ERC2: variants seen among roughly 807,000 people sequenced by gnomAD.
ERC2 encodes ELKS/RAB6-interacting/CAST family member 2.
In ERC2, 42 loss-of-function variants were observed where a neutral mutation model predicts 114.8. That is an observed-to-expected ratio of 0.37 (90% CI 0.29 to 0.47). ERC2 has a LOEUF of 0.47. ERC2 is among the 20% of genes least tolerant of loss of function. The pLI, the probability that ERC2 is intolerant of heterozygous loss-of-function variation, is 0.99. For missense variants in ERC2, 939 were observed against 1,150.7 expected (o/e 0.82, Z 2.66); for synonymous variants, 454 against 425.5 (o/e 1.07, Z -0.82).
At chr3:55,592,131 C>T (rs1431879086) in intron 17 of ERC2, among the ~76,000 whole-genome samples, 1 of 152,168 alleles carries the variant, frequency 6.6e-6, no homozygotes, top group Non-Finnish European at 1.5e-5. Flanking sequence ...TTCCTTGAGC[C>T]TCTGGTTGCT....
intron 17 of ERC2, among the ~76,000 whole-genome samples, chr3:55,583,394 CCTTCTT>C (rs1559692230): frequency 4.6e-4 from 60 of 130,856 alleles, no homozygotes; most frequent in African/African-American, 1.6e-3. Context: ...TTCTTTCCTT[CCTTCTT>C]TCCTTCCTTC....
chr3:56,353,884 A>G (rs1482828717), intron 2 of ERC2, among the ~76,000 whole-genome samples: 1 of 151,878 alleles, frequency 6.6e-6, no homozygotes, highest in Non-Finnish European at 1.5e-5. Flanking sequence ...ACTATACTGG[A>G]AACCAAATAT....
chr3:55,994,989 T>C (rs2071394629), intron 10 of ERC2, among the ~76,000 whole-genome samples: 1 of 152,206 alleles, frequency 6.6e-6, no homozygotes, highest in Non-Finnish European at 1.5e-5. Context: ...ACTGGCCTGG[T>C]ATCTATTATT....
chr3:56,421,672 T>A (rs1449728123), intron 2 of ERC2, among the ~76,000 whole-genome samples: 1 of 152,160 alleles, frequency 6.6e-6, no homozygotes, highest in Non-Finnish European at 1.5e-5. Flanking sequence ...TATGTGTGTA[T>A]AGGAGAGACA....
At chr3:55,703,555 G>C (rs2063337084) in intron 15 of ERC2, among the ~76,000 whole-genome samples, 1 of 152,138 alleles carries the variant, frequency 6.6e-6, no homozygotes, top group Admixed American at 6.5e-5. Flanking sequence ...AGGTTCACTT[G>C]GCTTTCTCCA....
At chr3:55,645,220 A>G (rs567857328) in intron 17 of ERC2, among the ~76,000 whole-genome samples, 3 of 152,358 alleles carry the variant, frequency 2.0e-5, no homozygotes, top group African/African-American at 7.2e-5. Flanking sequence ...TTTATAAAGA[A>G]CAAAGAATAA....
intron 14 of ERC2, among the ~76,000 whole-genome samples, chr3:55,821,250 C>T (rs1421223360): frequency 6.6e-6 from 1 of 152,112 alleles, no homozygotes; most frequent in Non-Finnish European, 1.5e-5. Flanking sequence ...AATAGGACTG[C>T]CAAAAGTTAT....
At chr3:55,965,180 C>A (rs577515764) in intron 12 of ERC2, among the ~76,000 whole-genome samples, 2 of 152,050 alleles carry the variant, frequency 1.3e-5, no homozygotes, top group African/African-American at 2.4e-5. Context: ...GTGTGAAAAC[C>A]AGGGGGTGGA....
intron 12 of ERC2, among the ~76,000 whole-genome samples, chr3:55,962,494 A>T (rs1159159551): frequency 6.6e-6 from 1 of 152,228 alleles, no homozygotes; most frequent in Admixed American, 6.5e-5. Context: ...AACAAGTAGC[A>T]GGGTCAGATT....
chr3:55,804,352 G>A (rs2059414418), intron 14 of ERC2, among the ~76,000 whole-genome samples: 1 of 152,092 alleles, frequency 6.6e-6, no homozygotes, highest in Admixed American at 6.6e-5. Flanking sequence ...GGTCCTCCTG[G>A]TGGTCTGCTT....
chr3:55,789,193 T>C (rs2069773796), intron 14 of ERC2, among the ~76,000 whole-genome samples: 3 of 152,224 alleles, frequency 2.0e-5, no homozygotes. Context: ...TTTTATCCTA[T>C]AATGCATGAT....
At chr3:55,646,825 G>C (rs538022979) in intron 17 of ERC2, among the ~76,000 whole-genome samples, 133 of 152,270 alleles carry the variant, frequency 8.7e-4, no homozygotes, top group Non-Finnish European at 1.4e-3. Context: ...TTACAGATAG[G>C]AAAGCTAAGG....
chr3:56,092,283 G>A (rs2077836799), intron 6 of ERC2, among the ~76,000 whole-genome samples: 1 of 152,162 alleles, frequency 6.6e-6, no homozygotes, highest in East Asian at 1.9e-4. Flanking sequence ...CCACCTACTT[G>A]AAGAAAACAA....
chr3:55,802,195 A>G (rs536040497), intron 14 of ERC2, among the ~76,000 whole-genome samples: 1 of 152,378 alleles, frequency 6.6e-6, no homozygotes, highest in African/African-American at 2.4e-5. Context: ...TTATAGATAC[A>G]AATTTAATAT....
intron 17 of ERC2, among the ~76,000 whole-genome samples, chr3:55,534,174 T>A (rs2053844556): frequency 6.6e-6 from 1 of 152,200 alleles, no homozygotes; most frequent in African/African-American, 2.4e-5. Flanking sequence ...ATGCCAGCAC[T>A]TTGGAAGGCC....
intron 17 of ERC2, among the ~76,000 whole-genome samples, chr3:55,539,364 T>C (rs2054213539): frequency 6.6e-6 from 1 of 151,478 alleles, no homozygotes; most frequent in Non-Finnish European, 1.5e-5. Context: ...AGACGTATTT[T>C]CTTTTCTTTT....
At chr3:56,260,719 T>C (rs534156265) in intron 3 of ERC2, among the ~76,000 whole-genome samples, 48 of 152,342 alleles carry the variant, frequency 3.2e-4, no homozygotes, top group African/African-American at 9.4e-4. Context: ...CCCTGACCTG[T>C]CCAACCCATG....
intron 2 of ERC2, among the ~76,000 whole-genome samples, chr3:56,319,277 G>GTA (rs2057014213): frequency 6.6e-6 from 1 of 151,360 alleles, no homozygotes; most frequent in Non-Finnish European, 1.5e-5. Context: ...AGAAAATGTG[G>GTA]TATATACACA....
intron 14 of ERC2, among the ~76,000 whole-genome samples, chr3:55,802,600 G>T (rs1489731652): frequency 6.6e-6 from 1 of 152,098 alleles, no homozygotes; most frequent in Non-Finnish European, 1.5e-5. Flanking sequence ...GAAATATTTG[G>T]TTTTCATGGT....
Sources: gnomAD v4.1 joint callset for allele counts (sites outside exome capture counted in the v4.1 genomes callset) on GRCh38, gnomAD v4.1.1 for gene constraint, MANE v1.5 for transcripts, NCBI Gene and HGNC (gene_info 2026-07-23, HGNC 2026-07-21) for gene names.